The following ARHGAP20 variants were observed in gnomAD, a reference collection of about 807,000 sequenced individuals.
ARHGAP20 encodes the protein rho GTPase-activating protein 20.
ARHGAP20 carries 34 observed loss-of-function variants against 73.7 expected under a neutral mutation model. The observed-to-expected ratio is 0.46, with a 90% CI of 0.35 to 0.61. The LOEUF (loss-of-function observed/expected upper bound fraction) is 0.61, where lower values mean the gene tolerates loss of function less well. Among genes scored for constraint, ARHGAP20 ranks in the 20% least tolerant of loss-of-function variants. The pLI is 0.00. For missense variants in ARHGAP20, 1,314 were observed against 1,420.9 expected (o/e 0.92, Z 1.21); for synonymous variants, 523 against 518.2 (o/e 1.01, Z -0.13).
At chr11:110,614,896 A>C (rs545371699) in intron 5 of ARHGAP20, among the ~76,000 whole-genome samples, 17 of 152,314 alleles carry the variant, frequency 1.1e-4, no homozygotes, top group South Asian at 1.0e-3. Context: ...TGAGAAGCAC[A>C]ATCAGGTTAG....
intron 7 of ARHGAP20, among the ~76,000 whole-genome samples, chr11:110,610,217 C>T (rs535994975): frequency 6.6e-6 from 1 of 152,150 alleles, no homozygotes; most frequent in Non-Finnish European, 1.5e-5. Context: ...ATTTATATTA[C>T]AAAATTTAAC....
In ARHGAP20 at chr11:110,586,290, T is replaced by TGAAAAAATACTTCCTG; in HGVS notation, c.1325_1340dup (p.Ser448ArgfsTer10). The TGAAAAAATACTTCCTG allele has an allele frequency of 1.3e-6, 2 of 1,578,938 alleles. No homozygotes were observed. The highest frequency in any genetic ancestry group is 1.7e-6 in the Non-Finnish European group (2 of 1,162,732). ...AGACCCAGTGATCATAGAGATCTGA[T>TGAAAAAATACTTCCTG]GAAAAAATACTTCCTGGAATATTTC... On this transcript the variant is annotated frameshift_variant, in exon 12 of 15. Transcript: ENST00000683387. LOFTEE classifies it high-confidence loss of function.
Position 110,630,672 on chromosome 11 carries a change from C to G in ARHGAP20, c.309G>C (p.Arg103=). ...ELKRGLQRQE[R]HLFLFNDLFV... is the part of the protein sequence containing the mutation. Reference sequence around the variant, plus strand: ...ACAGATCATTGAATAGGAAAAGATGCCGCTCCTGCCTCTGGAGGCCTCTTT... The same window carrying G: ...ACAGATCATTGAATAGGAAAAGATGGCGCTCCTGCCTCTGGAGGCCTCTTT... Residue 103 remains arginine (R), a synonymous_variant, in exon 3 of 15, where the codon CGG becomes CGC. Coordinates refer to ENST00000683387, the MANE Select transcript of ARHGAP20 (RefSeq NM_001384657.1). 1 of 1,614,062 alleles carries G rather than the reference C, an allele frequency of 6.2e-7. No individual in the cohort carries two copies. Among genetic ancestry groups the G allele is most frequent in the South Asian group, 1.1e-5 (1 of 91,078 alleles).
chr11:110,584,230 T>C (rs551165307), intron 12 of ARHGAP20, among the ~76,000 whole-genome samples: 9 of 152,244 alleles, frequency 5.9e-5, no homozygotes, highest in Non-Finnish European at 1.3e-4. Context: ...GCTTATGTTC[T>C]GCTCCACCAA....
At chr11:110,609,497 T>C (rs556490114) in intron 7 of ARHGAP20, among the ~76,000 whole-genome samples, 2 of 152,276 alleles carry the variant, frequency 1.3e-5, no homozygotes, top group South Asian at 4.1e-4. Flanking sequence ...TTTGAGGAGA[T>C]AAGTAATTGG....
At chr11:110,600,426 C>T (rs541177368) in intron 9 of ARHGAP20, among the ~76,000 whole-genome samples, 4 of 152,348 alleles carry the variant, frequency 2.6e-5, no homozygotes, top group South Asian at 2.1e-4. Context: ...CATGCAGGCA[C>T]GTGCAGCTGT....
At chr11:110,649,214 T>A (rs2135008214) in intron 2 of ARHGAP20, among the ~76,000 whole-genome samples, 1 of 142,646 alleles carries the variant, frequency 7.0e-6, no homozygotes, top group Admixed American at 7.1e-5. Flanking sequence ...TTTTTTTTTT[T>A]TTTTTTTTTT....
chr11:110,702,244 T>G (rs1328046986), intron 1 of ARHGAP20, among the ~76,000 whole-genome samples: 14 of 152,122 alleles, frequency 9.2e-5, no homozygotes, highest in Admixed American at 9.2e-4. Context: ...CGCAAATCAA[T>G]AAATTTAATC....
At position 110,673,013 on chromosome 11, in the gene ARHGAP20, G is replaced by A. The variant is rs796269329; in HGVS notation, c.188+17534C>T. On this transcript the variant is annotated intron_variant, in intron 2 of 14. Transcript: ENST00000683387. ...ACTAATTGTTGCATATCCATAAAAT[G>A]GAATACTAGTTGGCAATATCAAAAC... Among the ~76,000 whole-genome samples, 51 of 152,156 alleles carry A rather than the reference G, an allele frequency of 3.4e-4. 1 individual carries two copies. The highest frequency in any genetic ancestry group is 1.2e-3 in the African/African-American group (48 of 41,532).
intron 2 of ARHGAP20, among the ~76,000 whole-genome samples, chr11:110,647,093 A>G (rs1949211132): frequency 6.6e-6 from 1 of 152,056 alleles, no homozygotes; most frequent in South Asian, 2.1e-4. Context: ...GGTTTTAGTA[A>G]GAAGCAGTTT....
At chr11:110,706,389 G>C (rs986355069) in intron 1 of ARHGAP20, among the ~76,000 whole-genome samples, 3 of 152,092 alleles carry the variant, frequency 2.0e-5, no homozygotes, top group African/African-American at 7.2e-5. Context: ...ATATAGTTCA[G>C]CATTCACTTA....
At chr11:110,638,679 G>A (rs1247447048) in intron 2 of ARHGAP20, among the ~76,000 whole-genome samples, 1 of 152,004 alleles carries the variant, frequency 6.6e-6, no homozygotes, top group Non-Finnish European at 1.5e-5. Flanking sequence ...CATAAAAAAT[G>A]ATGAGTTCAT....
intron 1 of ARHGAP20, among the ~76,000 whole-genome samples, 161 bp from the exon 2 acceptor site, chr11:110,690,790 G>T (rs1277234170): frequency 1.3e-5 from 2 of 151,698 alleles, no homozygotes; most frequent in African/African-American, 2.4e-5. Flanking sequence ...ATCTAAAATA[G>T]GATAGTTAAA....
chr11:110,616,331 TC>T (rs1396032968), intron 4 of ARHGAP20, among the ~76,000 whole-genome samples: 14 of 152,318 alleles, frequency 9.2e-5, no homozygotes, highest in African/African-American at 3.4e-4. Context: ...TAAAGTTTAT[TC>T]CTATGTGGTC....
intron 1 of ARHGAP20, among the ~76,000 whole-genome samples, chr11:110,704,816 C>A (rs1565487443): frequency 6.6e-6 from 1 of 152,078 alleles, no homozygotes; most frequent in Non-Finnish European, 1.5e-5. Context: ...ACTTGAAGTA[C>A]CAACAGAACA....
At chr11:110,613,635 CA>C (rs1187651730) in intron 6 of ARHGAP20, among the ~76,000 whole-genome samples, 1 of 152,074 alleles carries the variant, frequency 6.6e-6, no homozygotes, top group Non-Finnish European at 1.5e-5. Flanking sequence ...TGAATCAAAG[CA>C]GACAGAAAAA....
At chr11:110,589,509 A>C in intron 11 of ARHGAP20, 8 of 985,484 alleles carry the variant, frequency 8.1e-6, no homozygotes, top group Non-Finnish European at 9.6e-6. Flanking sequence ...CCTGAGATAC[A>C]GGCTGGGGCC....
intron 2 of ARHGAP20, among the ~76,000 whole-genome samples, chr11:110,647,308 T>C (rs1343373016): frequency 6.6e-6 from 1 of 152,004 alleles, no homozygotes; most frequent in Admixed American, 6.6e-5. Flanking sequence ...TTAGTATAGG[T>C]GGAGAACAGG....
At chr11:110,592,360 C>T (rs1186515974) in intron 9 of ARHGAP20, among the ~76,000 whole-genome samples, 3 of 152,228 alleles carry the variant, frequency 2.0e-5, no homozygotes, top group Non-Finnish European at 4.4e-5. Flanking sequence ...AAGGAAGAAT[C>T]AAATGTTTGG....
Sources: allele counts gnomAD v4.1 joint callset (sites outside exome capture counted in the v4.1 genomes callset), GRCh38; gene constraint gnomAD v4.1.1; transcripts MANE v1.5; gene names NCBI Gene and HGNC (gene_info 2026-07-23, HGNC 2026-07-21).